Variants in PDIA6 observed in about 807,000 individuals in gnomAD.
PDIA6 encodes protein disulfide-isomerase A6.
In PDIA6, 29 loss-of-function variants were observed where a neutral mutation model predicts 58.4. The ratio of observed to expected loss-of-function variants is 0.50; its 90% confidence interval spans 0.37 to 0.68. The LOEUF is 0.68. Ranked by LOEUF, PDIA6 falls within the 30% of genes least tolerant of loss-of-function variation. The probability of loss-of-function intolerance (pLI) is 0.00; values close to 1 mark genes in which losing one functional copy is unlikely to be tolerated. For missense variants in PDIA6, 480 were observed against 551.0 expected (o/e 0.87, Z 1.29); for synonymous variants, 192 against 202.6 (o/e 0.95, Z 0.44).
intron 2 of PDIA6, among the ~76,000 whole-genome samples, chr2:10,798,317 G>A (rs1201931316): frequency 4.6e-5 from 7 of 151,828 alleles, no homozygotes; most frequent in Non-Finnish European, 7.4e-5. Flanking sequence ...AGTGGCTCAC[G>A]CCTGACTTTG....
chr2:10,795,756 C>A (rs1190499673), intron 4 of PDIA6, among the ~76,000 whole-genome samples: 1 of 152,170 alleles, frequency 6.6e-6, no homozygotes, highest in East Asian at 1.9e-4. Flanking sequence ...GTACCCCTCA[C>A]CCCTACCTTC....
chr2:10,823,069 C>A (rs1030467405), intron 1 of PDIA6: 7 of 152,240 alleles, frequency 4.6e-5, no homozygotes, highest in African/African-American at 1.7e-4. Flanking sequence ...AGTGGTGGAT[C>A]ATTTGCTATG....
At chr2:10,826,789 A>C (rs1572707621) in intron 1 of PDIA6, among the ~76,000 whole-genome samples, 1 of 152,128 alleles carries the variant, frequency 6.6e-6, no homozygotes, top group South Asian at 2.1e-4. Flanking sequence ...TCCTGAGCAG[A>C]CCTTTAAGAG....
chr2:10,818,488 T>A (rs147128232), intron 2 of PDIA6, among the ~76,000 whole-genome samples: 16,887 of 94,904 alleles, frequency 0.18, 1,336 homozygotes, highest in Non-Finnish European at 0.23. Flanking sequence ...TTTAATTTAT[T>A]TATTTATTTA....
At chr2:10,795,669 C>T (rs549446341) in intron 4 of PDIA6, among the ~76,000 whole-genome samples, 54 of 152,320 alleles carry the variant, frequency 3.5e-4, no homozygotes, top group African/African-American at 1.1e-3. Flanking sequence ...TGTTTAGTTA[C>T]GACGCTGGAG....
intron 1 of PDIA6, chr2:10,820,878 A>T (rs937224242): frequency 1.7e-5 from 12 of 702,730 alleles, no homozygotes. Context: ...TGCTGGGGGT[A>T]TCTTCTCTCC....
upstream of PDIA6, among the ~76,000 whole-genome samples, chr2:10,835,710 G>A (rs114519331): frequency 0.013 from 1,962 of 152,274 alleles, 55 homozygotes; most frequent in African/African-American, 0.045. Flanking sequence ...AGTGGCTGTG[G>A]CCCTGTCTCC....
intron 1 of PDIA6, among the ~76,000 whole-genome samples, chr2:10,807,449 C>T (rs1666811721): frequency 6.6e-6 from 1 of 152,208 alleles, no homozygotes; most frequent in South Asian, 2.1e-4. Flanking sequence ...CTCTGCCTCC[C>T]AAAGTGCTGG....
intron 3 of PDIA6, 57 bp downstream of exon 3, chr2:10,797,643 T>C: frequency 8.2e-7 from 1 of 1,222,422 alleles, no homozygotes; most frequent in Non-Finnish European, 1.2e-6. Flanking sequence ...ATGGACATCT[T>C]AGAAACTTAC....
At chr2:10,801,115 TA>T (rs969897862) in intron 2 of PDIA6, among the ~76,000 whole-genome samples, 2 of 151,910 alleles carry the variant, frequency 1.3e-5, no homozygotes, top group Non-Finnish European at 2.9e-5. Flanking sequence ...TCCGTCTCTA[TA>T]AAAAATACAA....
At chr2:10,797,326 A>C in intron 3 of PDIA6, 119 bp from the exon 4 acceptor site, 1 of 944,850 alleles carries the variant, frequency 1.1e-6, no homozygotes, top group Non-Finnish European at 1.6e-6. Context: ...TGCAGTTTGC[A>C]ATCAGTCAAT....
At chr2:10,812,801 G>A, upstream of PDIA6, 4 of 1,207,906 alleles carry the variant, frequency 3.3e-6, no homozygotes, top group Middle Eastern at 3.1e-4. Flanking sequence ...AGGCCAGTCC[G>A]GTGGTCCGAG....
chr2:10,811,498 A>AAAAACAGAAAGAC (rs1218909301), intron 1 of PDIA6, among the ~76,000 whole-genome samples: 1 of 111,848 alleles, frequency 8.9e-6, no homozygotes, highest in East Asian at 2.5e-4. Context: ...CCGTGTCTCA[A>AAAAACAGAAAGAC]AAAACAGAAA....
intron 1 of PDIA6, among the ~76,000 whole-genome samples, chr2:10,831,031 A>T (rs1015881784): frequency 6.6e-6 from 1 of 152,058 alleles, no homozygotes; most frequent in Non-Finnish European, 1.5e-5. Flanking sequence ...GCTGGCGGGG[A>T]GGGCCCTTGT....
intron 9 of PDIA6, 55 bp downstream of exon 9, chr2:10,788,842 T>C (rs1345926236): frequency 1.3e-6 from 2 of 1,556,034 alleles, no homozygotes; most frequent in Non-Finnish European, 1.8e-6. Flanking sequence ...TTAGAAAGTA[T>C]TCTCAGAGCA....
At chr2:10,808,895 G>A (rs1226077976) in intron 1 of PDIA6, among the ~76,000 whole-genome samples, 1 of 152,028 alleles carries the variant, frequency 6.6e-6, no homozygotes, top group African/African-American at 2.4e-5. Context: ...GTGCAATCTT[G>A]GCTCACTGCA....
intron 1 of PDIA6, among the ~76,000 whole-genome samples, chr2:10,828,047 T>C (rs1026458582): frequency 4.6e-5 from 7 of 151,970 alleles, no homozygotes; most frequent in African/African-American, 7.3e-5. Context: ...CCTTCCCCAC[T>C]ATCAACATCC....
chr2:10,786,511 C>G (rs1283986871), intron 11 of PDIA6, among the ~76,000 whole-genome samples: 2 of 124,600 alleles, frequency 1.6e-5, no homozygotes, highest in South Asian at 2.1e-4. Flanking sequence ...AGCCCCTACT[C>G]TCCACACAGC....
intron 2 of PDIA6, among the ~76,000 whole-genome samples, chr2:10,818,648 G>A (rs916415624): frequency 3.3e-5 from 5 of 151,776 alleles, no homozygotes; most frequent in African/African-American, 1.2e-4. Context: ...AGCCTCTTGA[G>A]TAGCTGGGAT....
Sources: allele counts gnomAD v4.1 joint callset (sites outside exome capture counted in the v4.1 genomes callset), GRCh38; gene constraint gnomAD v4.1.1; transcripts MANE v1.5; gene names NCBI Gene and HGNC (gene_info 2026-07-23, HGNC 2026-07-21).